KIF25: variants seen among roughly 807,000 people sequenced by gnomAD.
KIF25 encodes kinesin family member 25.
A neutral mutation model predicts 32.9 loss-of-function variants in KIF25; 19 were observed. The ratio of observed to expected loss-of-function variants is 0.58; its 90% CI spans 0.40 to 0.85. The LOEUF is 0.85. Ranked by LOEUF, KIF25 falls within the 40% of genes least tolerant of loss-of-function variation. KIF25 has a pLI of 0.00. For synonymous variants in KIF25, 225 were observed against 213.7 expected (o/e 1.05, Z -0.46); for missense variants, 485 against 507.0 (o/e 0.96, Z 0.42).
rs114656900 is a variant in KIF25 at position 168,028,466 on chromosome 6, C to T, written c.-94-1026C>T. Among the ~76,000 whole-genome samples, 934 of 152,332 alleles carry T rather than the reference C, an allele frequency of 6.1e-3. 12 individuals are homozygous for T. The highest frequency in any genetic ancestry group is 0.021 in the African/African-American group (883 of 41,574). The stretch of plus-strand genomic sequence containing the variant: ...TTCCTTCGGCCTACTTACTAATTCA[C>T]GCAGCAAGACCAAGCTGTCATAGAT... On this transcript the variant is annotated intron_variant, in intron 5 of 12. Transcript: ENST00000643607.
intron 12 of KIF25, among the ~76,000 whole-genome samples, chr6:168,043,866 G>A (rs1402579377): frequency 2.6e-5 from 4 of 152,190 alleles, no homozygotes; most frequent in South Asian, 2.1e-4. Context: ...CCCTCGTTAC[G>A]GGTCCTGAAA....
At chr6:168,007,617 C>T (rs1798595725) in intron 4 of KIF25, among the ~76,000 whole-genome samples, 1 of 152,194 alleles carries the variant, frequency 6.6e-6, no homozygotes, top group Non-Finnish European at 1.5e-5. Context: ...TCTGTATAAG[C>T]TGGCCGAAAA....
chr6:168,042,737 GC>G, intron 12 of KIF25, 21 bp downstream of exon 12: 1 of 1,599,360 alleles, frequency 6.3e-7, no homozygotes, highest in East Asian at 2.2e-5. Context: ...TCCCCAAAAT[GC>G]CCCAGGATGG....
At chr6:168,030,959 C>T in intron 7 of KIF25, 112 bp downstream of exon 7, 1 of 798,576 alleles carries the variant, frequency 1.3e-6, no homozygotes, top group Non-Finnish European at 2.0e-6. Context: ...TTCTACAGCA[C>T]TGCAGAGCAT....
At chr6:168,025,884 C>T (rs765936680) in intron 5 of KIF25, among the ~76,000 whole-genome samples, 6 of 152,210 alleles carry the variant, frequency 3.9e-5, no homozygotes, top group South Asian at 2.1e-4. Flanking sequence ...ACAGAGTGTG[C>T]GGCCGAGTAC....
At chr6:168,013,621 A>C (rs1798677604) in intron 4 of KIF25, among the ~76,000 whole-genome samples, 1 of 152,064 alleles carries the variant, frequency 6.6e-6, no homozygotes, top group South Asian at 2.1e-4. Context: ...GCAGCTCCCA[A>C]ATGGCTGAGG....
Position 168,042,158 on chromosome 6 carries a change from A to AG in KIF25, c.829+11dup. The AG allele has an allele frequency of 6.5e-7, 1 of 1,546,652 alleles. No individual in the cohort carries two copies. Among genetic ancestry groups the AG allele is most frequent in the Non-Finnish European group, 8.7e-7 (1 of 1,145,086 alleles). On this transcript the variant is annotated splice_region_variant and intron_variant, in intron 11 of 12. Coordinates refer to ENST00000643607, the MANE Select transcript of KIF25 (RefSeq NM_030615.4). ...GCCGGCAGCGAGTGCGTTGGTGAGC[A>AG]GGGGCAGGCATTTCCCTGGGGGGTG...
At chr6:168,020,261 AAAAGAT>A in intron 5 of KIF25, among the ~76,000 whole-genome samples, 1 of 152,332 alleles carries the variant, frequency 6.6e-6, no homozygotes, top group East Asian at 1.9e-4. Context: ...AATGCAAATC[AAAAGAT>A]ACAGGACCAG....
chr6:168,030,726 G>A (rs747786149), intron 6 of KIF25, 47 bp from the exon 7 acceptor site: 16 of 1,513,304 alleles, frequency 1.1e-5, no homozygotes, highest in Admixed American at 7.4e-5. Flanking sequence ...TGCTAGAGCC[G>A]CTTTCTGCTG....
chr6:168,023,913 T>A (rs1202828221), intron 5 of KIF25, among the ~76,000 whole-genome samples: 3 of 152,344 alleles, frequency 2.0e-5, no homozygotes, highest in South Asian at 2.1e-4. Context: ...ATCTGTATAG[T>A]CTCATGCATT....
chr6:168,004,101 C>T (rs371350180), intron 4 of KIF25, among the ~76,000 whole-genome samples: 1 of 152,280 alleles, frequency 6.6e-6, no homozygotes, highest in East Asian at 1.9e-4. Context: ...GTTTTATCCA[C>T]GAAAAGGCCG....
At chr6:168,043,214 T>C (rs939926167) in intron 12 of KIF25, among the ~76,000 whole-genome samples, 2 of 152,138 alleles carry the variant, frequency 1.3e-5, no homozygotes, top group Non-Finnish European at 2.9e-5. Context: ...TTTGCGGTTT[T>C]TGGGGAGCTC....
chr6:168,034,056 G>A, intron 8 of KIF25, 25 bp downstream of exon 8: 1 of 1,610,644 alleles, frequency 6.2e-7, no homozygotes, highest in Non-Finnish European at 8.5e-7. Flanking sequence ...GATGAGTGGG[G>A]CAGAGAAATA....
intron 6 of KIF25, 199 bp from the exon 7 acceptor site, chr6:168,030,574 G>T: frequency 6.2e-6 from 2 of 323,372 alleles, no homozygotes; most frequent in South Asian, 7.9e-5. Context: ...CATTTTCATA[G>T]CAGAAAGTAC....
At chr6:168,035,930 G>T in intron 8 of KIF25, 1 of 374,566 alleles carries the variant, frequency 2.7e-6, no homozygotes, top group Non-Finnish European at 5.5e-6. Context: ...GGAGAGGGGT[G>T]CACTGGGCCA....
intron 5 of KIF25, among the ~76,000 whole-genome samples, chr6:168,019,567 A>G (rs1405173631): frequency 6.6e-6 from 1 of 152,224 alleles, no homozygotes; most frequent in African/African-American, 2.4e-5. Context: ...GAAACCAGGG[A>G]GACTCCATAG....
chr6:168,015,065 G>C (rs143352421), intron 4 of KIF25, among the ~76,000 whole-genome samples: 12 of 152,316 alleles, frequency 7.9e-5, no homozygotes, highest in Non-Finnish European at 4.4e-5. Flanking sequence ...ATTTTTAATG[G>C]TCAGAGACTG....
chr6:168,028,097 T>A (rs1331813116), intron 5 of KIF25, among the ~76,000 whole-genome samples: 2 of 152,232 alleles, frequency 1.3e-5, no homozygotes, highest in African/African-American at 2.4e-5. Context: ...CTGTTGGGAA[T>A]GTGTCCTAGT....
chr6:168,023,786 G>T (rs1232582619), intron 5 of KIF25, among the ~76,000 whole-genome samples: 1 of 152,200 alleles, frequency 6.6e-6, no homozygotes, highest in Non-Finnish European at 1.5e-5. Flanking sequence ...CTTACATGTT[G>T]GTTAGGGGAG....
Sources: allele counts gnomAD v4.1 joint callset (sites outside exome capture counted in the v4.1 genomes callset), GRCh38; gene constraint gnomAD v4.1.1; transcripts MANE v1.5; gene names NCBI Gene and HGNC (gene_info 2026-07-23, HGNC 2026-07-21).